EMSY: variants seen among roughly 807,000 people sequenced by gnomAD.
EMSY encodes the protein BRCA2-interacting transcriptional repressor EMSY.
EMSY carries 26 observed loss-of-function variants against 134.6 expected under a neutral mutation model. The observed-to-expected ratio is 0.19, with a 90% confidence interval of 0.14 to 0.27. The LOEUF (loss-of-function observed/expected upper bound fraction) is 0.27. Ranked by LOEUF, EMSY falls within the 10% of genes least tolerant of loss-of-function variation. EMSY has a pLI of 1.00. For synonymous variants in EMSY, 579 were observed against 577.8 expected (o/e 1.00, Z -0.03); for missense variants, 1,305 against 1,611.4 (o/e 0.81, Z 3.26).
chr11:76,492,882 C>T (rs1322459558), intron 8 of EMSY, among the ~76,000 whole-genome samples: 4 of 152,134 alleles, frequency 2.6e-5, no homozygotes, highest in Non-Finnish European at 5.9e-5. Context: ...TTTTCTGGCC[C>T]GCCTGTGGCC....
chr11:76,537,335 T>G (rs1951260176), intron 15 of EMSY, among the ~76,000 whole-genome samples: 1 of 152,250 alleles, frequency 6.6e-6, no homozygotes, highest in Non-Finnish European at 1.5e-5. Context: ...CCTTTGGAGA[T>G]ATCTTGAATT....
chr11:76,501,851 T>A (rs1949870213), intron 9 of EMSY, among the ~76,000 whole-genome samples: 2 of 151,574 alleles, frequency 1.3e-5, no homozygotes, highest in Admixed American at 1.3e-4. Flanking sequence ...AAATTACAAA[T>A]AAGATAAACA....
intron 7 of EMSY, among the ~76,000 whole-genome samples, chr11:76,468,560 G>A (rs890755289): frequency 1.3e-5 from 2 of 152,168 alleles, no homozygotes; most frequent in African/African-American, 4.8e-5. Flanking sequence ...ATCTATCCAA[G>A]GCTGTTGCCA....
intron 7 of EMSY, among the ~76,000 whole-genome samples, chr11:76,466,190 T>TG (rs1191484508): frequency 6.6e-6 from 1 of 152,178 alleles, no homozygotes; most frequent in Non-Finnish European, 1.5e-5. Context: ...TCCCTTAGGA[T>TG]GGGGGAGAAT....
chr11:76,512,994 G>A (rs968470327), intron 9 of EMSY, among the ~76,000 whole-genome samples: 3 of 152,090 alleles, frequency 2.0e-5, no homozygotes, highest in Non-Finnish European at 4.4e-5. Flanking sequence ...CGAAGTTGGG[G>A]ATACATAAAA....
At chr11:76,453,520 C>A in intron 4 of EMSY, 132 bp downstream of exon 4, 1 of 766,176 alleles carries the variant, frequency 1.3e-6, no homozygotes, top group Non-Finnish European at 2.0e-6. Context: ...GGATCCTGAT[C>A]ATAGCAGTAA....
At chr11:76,496,435 T>C in exon 9 of EMSY, 1 of 1,614,164 alleles carries the variant, frequency 6.2e-7, no homozygotes, top group African/African-American at 1.3e-5. Context: ...TGCCACCTGG[T>C]ATTAAACCTA....
chr11:76,456,247 A>G (rs959597322), intron 4 of EMSY, among the ~76,000 whole-genome samples: 1 of 152,208 alleles, frequency 6.6e-6, no homozygotes, highest in Non-Finnish European at 1.5e-5. Context: ...TAATTCTAAC[A>G]TGATACTTAA....
chr11:76,447,053 T>G, intron 2 of EMSY, 45 bp downstream of exon 2: 1 of 1,582,800 alleles, frequency 6.3e-7, no homozygotes, highest in South Asian at 1.1e-5. Context: ...TGATACCTTT[T>G]TTCCCTTTCT....
intron 2 of EMSY, among the ~76,000 whole-genome samples, chr11:76,450,134 A>G (rs960156066): frequency 1.3e-5 from 2 of 148,358 alleles, no homozygotes; most frequent in Admixed American, 6.8e-5. Flanking sequence ...ACGCTAGATG[A>G]TGTATTTCTC....
chr11:76,546,192 A>G (rs370432627), exon 20 of EMSY: 8 of 1,614,042 alleles, frequency 5.0e-6, no homozygotes, highest in African/African-American at 1.3e-5. Flanking sequence ...CCCTAACGAC[A>G]AGGAAAATTG....
At chr11:76,478,897 T>C (rs866174356) in intron 8 of EMSY, among the ~76,000 whole-genome samples, 1 of 152,010 alleles carries the variant, frequency 6.6e-6, no homozygotes, top group Non-Finnish European at 1.5e-5. Flanking sequence ...GATTTAACTA[T>C]AGTGAACATC....
chr11:76,551,031 T>C, exon 21 of EMSY: 1 of 152,930 alleles, frequency 6.5e-6, no homozygotes, highest in Non-Finnish European at 1.5e-5. Context: ...TTCATTCATA[T>C]GATGCTTTCT....
intron 13 of EMSY, among the ~76,000 whole-genome samples, chr11:76,528,049 A>G (rs940331879): frequency 2.0e-5 from 3 of 152,066 alleles, no homozygotes; most frequent in African/African-American, 7.2e-5. Flanking sequence ...AATCATGGCT[A>G]TTGCACTCTG....
chr11:76,545,843 C>T (rs376899863), exon 20 of EMSY: 4 of 1,613,584 alleles, frequency 2.5e-6, no homozygotes, highest in Non-Finnish European at 3.4e-6. Flanking sequence ...ACAAAGATAA[C>T]TTTTGAGGGG....
At chr11:76,452,819 A>T (rs1947722878) in intron 3 of EMSY, among the ~76,000 whole-genome samples, 1 of 152,224 alleles carries the variant, frequency 6.6e-6, no homozygotes, top group Non-Finnish European at 1.5e-5. Context: ...TATAGTGTAT[A>T]GCCACAGGAA....
In EMSY at chr11:76,472,624, C is replaced by T. The variant is rs199837796; in HGVS notation, c.892C>T (p.His298Tyr). The change falls in exon 8 of 21, where the codon CAT becomes TAT. Residue 298 changes from histidine (H) to tyrosine (Y), a missense_variant. His to Tyr is a moderately conservative substitution (Grantham distance 83, BLOSUM62 2). Coordinates refer to ENST00000334736, the Ensembl canonical transcript of EMSY. Reference sequence around the variant, plus strand: ...CGTGCCCAACATTCTCTCCAAATCCCATAACTATGCAGCAGTCACTAAGCT... The same window carrying T: ...CGTGCCCAACATTCTCTCCAAATCCTATAACTATGCAGCAGTCACTAAGCT... 1.2e-5 allele frequency: 20 copies of T among 1,614,054 alleles called. No homozygotes were observed. In the East Asian group the frequency reaches 4.2e-4, roughly 34 times the overall value.
Position 76,450,794 on chromosome 11 carries a change from A to ATTTT in EMSY, c.71-1050_71-1047dup, listed in dbSNP as rs34212263. On this transcript the variant is annotated intron_variant, in intron 2 of 20. Transcript: ENST00000334736. ...GGTGTGAGCCATGAAGCCTGGCCAGATTTTTTTTTTTTTTTTTAAGACAGG... is the reference window on the plus strand; with the variant it reads ...GGTGTGAGCCATGAAGCCTGGCCAGATTTTTTTTTTTTTTTTTTTTTAAGACAGG... 6.5e-3 allele frequency among the ~76,000 whole-genome samples: 889 copies of ATTTT among 135,918 alleles called. 7 individuals are homozygous for ATTTT. The highest frequency in any genetic ancestry group is 0.012 in the East Asian group (54 of 4,646). 89.2% of individuals were successfully genotyped at this position (135,918 alleles called of 152,430 possible).
intron 11 of EMSY, among the ~76,000 whole-genome samples, chr11:76,517,841 A>C (rs1950500121): frequency 6.6e-6 from 1 of 152,120 alleles, no homozygotes. Context: ...TTAAACATAC[A>C]GTTTAAACAA....
Sources: gnomAD v4.1 joint callset for allele counts (sites outside exome capture counted in the v4.1 genomes callset) on GRCh38, gnomAD v4.1.1 for gene constraint, MANE v1.5 for transcripts, NCBI Gene and HGNC (gene_info 2026-07-23, HGNC 2026-07-21) for gene names.